Variants in CLASP2 observed in about 807,000 individuals in gnomAD.
The protein encoded by CLASP2 is CLIP-associating protein 2.
CLASP2 carries 47 observed loss-of-function variants against 194.4 expected under a neutral mutation model. That is an observed-to-expected ratio of 0.24 (90% CI 0.19 to 0.31). The LOEUF (loss-of-function observed/expected upper bound fraction) is 0.31, where lower values mean the gene tolerates loss of function less well. CLASP2 is among the 10% of genes least tolerant of loss of function. The pLI, the probability that CLASP2 is intolerant of heterozygous loss-of-function variation, is 1.00. For missense variants in CLASP2, 1,445 were observed against 1,823.6 expected (o/e 0.79, Z 3.78); for synonymous variants, 619 against 633.5 (o/e 0.98, Z 0.34).
intron 7 of CLASP2, among the ~76,000 whole-genome samples, chr3:33,654,236 A>G (rs2083750224): frequency 6.6e-6 from 1 of 152,146 alleles, no homozygotes; most frequent in Non-Finnish European, 1.5e-5. Context: ...GTTTTATCAA[A>G]CTCTTTCCCA....
intron 6 of CLASP2, among the ~76,000 whole-genome samples, chr3:33,666,950 C>A (rs1438306390): frequency 6.6e-6 from 1 of 151,928 alleles, no homozygotes; most frequent in Non-Finnish European, 1.5e-5. Context: ...ATCTGTATTT[C>A]CCTCATGGTT....
intron 1 of CLASP2, among the ~76,000 whole-genome samples, chr3:33,697,673 T>G (rs1197645635): frequency 6.6e-6 from 1 of 152,196 alleles, no homozygotes. Flanking sequence ...AATTTCATCT[T>G]CTGTCTGGGA....
intron 6 of CLASP2, 68 bp downstream of exon 6, chr3:33,684,291 A>C: frequency 1.2e-6 from 1 of 837,134 alleles, no homozygotes; most frequent in Non-Finnish European, 1.9e-6. Flanking sequence ...TGAAATACAC[A>C]AATAAAATGA....
chr3:33,500,656 C>T (rs769760191), intron 38 of CLASP2, among the ~76,000 whole-genome samples: 21 of 151,770 alleles, frequency 1.4e-4, no homozygotes, highest in Non-Finnish European at 1.5e-4. Context: ...GTTTATAACC[C>T]GAGTTAAGAA....
At chr3:33,591,281 TAAAG>T (rs2068723312) in intron 21 of CLASP2, among the ~76,000 whole-genome samples, 4 of 152,194 alleles carry the variant, frequency 2.6e-5, no homozygotes, top group African/African-American at 7.2e-5. Context: ...AATCTCTTGA[TAAAG>T]AAGGAAGAGG....
intron 37 of CLASP2, among the ~76,000 whole-genome samples, chr3:33,508,695 T>C (rs1212422959): frequency 6.6e-6 from 1 of 152,234 alleles, no homozygotes; most frequent in Non-Finnish European, 1.5e-5. Context: ...AAAAGTACTT[T>C]ATCTCATCAA....
intron 10 of CLASP2, among the ~76,000 whole-genome samples, chr3:33,624,611 A>G (rs1199204481): frequency 6.6e-6 from 1 of 152,060 alleles, no homozygotes; most frequent in East Asian, 1.9e-4. Context: ...ATATTTACCT[A>G]TGATAAAGTT....
intron 9 of CLASP2, among the ~76,000 whole-genome samples, chr3:33,629,631 G>T (rs1031776117): frequency 5.9e-5 from 9 of 151,984 alleles, no homozygotes; most frequent in Non-Finnish European, 8.8e-5. Flanking sequence ...GATTGTTGAG[G>T]GTTCATTTTA....
chr3:33,703,587 T>A (rs767162086), intron 1 of CLASP2, among the ~76,000 whole-genome samples: 2 of 152,258 alleles, frequency 1.3e-5, no homozygotes, highest in Non-Finnish European at 2.9e-5. Context: ...TCATTCATGT[T>A]CCTTGGTATT....
chr3:33,663,402 G>A (rs779973180), intron 7 of CLASP2, 43 bp downstream of exon 7: 1 of 1,499,972 alleles, frequency 6.7e-7, no homozygotes, highest in Admixed American at 1.8e-5. Context: ...CTAAAACTTT[G>A]CTAAATAGTC....
At chr3:33,502,445 TA>T (rs1409838248) in intron 37 of CLASP2, 2 of 152,260 alleles carry the variant, frequency 1.3e-5, no homozygotes, top group Non-Finnish European at 2.9e-5. Flanking sequence ...TGGTAACATT[TA>T]AAATGCATTT....
intron 29 of CLASP2, among the ~76,000 whole-genome samples, chr3:33,555,356 T>C (rs148521524): frequency 6.7e-6 from 1 of 148,234 alleles, no homozygotes; most frequent in Non-Finnish European, 1.5e-5. Flanking sequence ...TGACAGCACA[T>C]AATATTCTGA....
intron 9 of CLASP2, among the ~76,000 whole-genome samples, chr3:33,627,485 T>G (rs1286175699): frequency 6.6e-6 from 1 of 152,172 alleles, no homozygotes; most frequent in Non-Finnish European, 1.5e-5. Context: ...TTTTCTCTCC[T>G]CAGTCATGAT....
intron 6 of CLASP2, among the ~76,000 whole-genome samples, chr3:33,677,895 G>A (rs1419363995): frequency 6.9e-6 from 1 of 144,700 alleles, no homozygotes; most frequent in African/African-American, 2.5e-5. Context: ...AAAGTAGATA[G>A]GTAAGAAGAG....
chr3:33,516,976 T>C lies in CLASP2; in HGVS notation c.3981+5A>G, dbSNP rs1466445038. 6.8e-6 allele frequency: 11 copies of C among 1,611,248 alleles called. No homozygotes were observed. Among genetic ancestry groups the C allele is most frequent in the Non-Finnish European group, 9.3e-6 (11 of 1,178,972 alleles). On this transcript the variant is annotated splice_donor_5th_base_variant and intron_variant, in intron 35 of 38. Transcript: ENST00000682230. ...AGGCTACTGTTTACATATTTTGCCA[T>C]TTACCTCTTTATCTCCAAGCGTTTC...
At chr3:33,547,660 G>A (rs1460735998) in intron 30 of CLASP2, among the ~76,000 whole-genome samples, 1 of 152,122 alleles carries the variant, frequency 6.6e-6, no homozygotes, top group Non-Finnish European at 1.5e-5. Context: ...AGAATAAACT[G>A]GGAAGTGTTC....
intron 6 of CLASP2, among the ~76,000 whole-genome samples, chr3:33,666,567 G>A (rs565099693): frequency 6.6e-6 from 1 of 152,270 alleles, no homozygotes; most frequent in African/African-American, 2.4e-5. Flanking sequence ...ATATTCCATC[G>A]TATGGATTTA....
intron 10 of CLASP2, among the ~76,000 whole-genome samples, chr3:33,624,258 A>G (rs2077603252): frequency 6.6e-6 from 1 of 152,146 alleles, no homozygotes. Flanking sequence ...AAGTTAAATC[A>G]GATGCATAAA....
intron 2 of CLASP2, among the ~76,000 whole-genome samples, chr3:33,694,368 C>T (rs1004647099): frequency 6.6e-6 from 1 of 152,130 alleles, no homozygotes; most frequent in Non-Finnish European, 1.5e-5. Context: ...CATAAAACCC[C>T]ATGTGGTACT....
Sources: allele counts gnomAD v4.1 joint callset (sites outside exome capture counted in the v4.1 genomes callset), GRCh38; gene constraint gnomAD v4.1.1; transcripts MANE v1.5; gene names NCBI Gene and HGNC (gene_info 2026-07-23, HGNC 2026-07-21).